Variants in RNF169 observed in about 807,000 individuals in gnomAD.
RNF169 encodes ring finger protein 169, also known as E3 ubiquitin-protein ligase RNF169.
A neutral mutation model predicts 53.9 loss-of-function variants in RNF169; 24 were observed. The observed-to-expected ratio is 0.45, with a 90% CI of 0.32 to 0.63. The LOEUF (loss-of-function observed/expected upper bound fraction) is 0.63, where lower values mean the gene tolerates loss of function less well. Ranked by LOEUF, RNF169 falls within the 20% of genes least tolerant of loss-of-function variation. The pLI is 0.04. For missense variants in RNF169, 883 were observed against 906.2 expected, an observed-to-expected ratio of 0.97 and a Z score of 0.33; for synonymous variants, 396 against 363.5, an observed-to-expected ratio of 1.09 and a Z score of -1.02.
chr11:74,791,942 C>T (rs1442867467), intron 2 of RNF169, among the ~76,000 whole-genome samples: 3 of 152,258 alleles, frequency 2.0e-5, no homozygotes, highest in Non-Finnish European at 4.4e-5. Context: ...GGCATCTTCA[C>T]AGTGCCCACT....
At chr11:74,799,518 G>A (rs1208471141) in intron 2 of RNF169, among the ~76,000 whole-genome samples, 2 of 152,102 alleles carry the variant, frequency 1.3e-5, no homozygotes, top group Non-Finnish European at 2.9e-5. Context: ...GCAGTGTGCT[G>A]TTTTTCCTCG....
intron 1 of RNF169, among the ~76,000 whole-genome samples, chr11:74,778,238 A>G (rs2035365224): frequency 6.6e-6 from 1 of 152,078 alleles, no homozygotes; most frequent in Admixed American, 6.5e-5. Context: ...CTTTCTTTTT[A>G]TATTTTCTCG....
chr11:74,801,440 A>G (rs1325664239), intron 2 of RNF169, among the ~76,000 whole-genome samples: 2 of 152,220 alleles, frequency 1.3e-5, no homozygotes, highest in East Asian at 3.8e-4. Context: ...ATTGCTCTAG[A>G]TACCAAAGTA....
intron 1 of RNF169, among the ~76,000 whole-genome samples, chr11:74,763,458 G>A: frequency 6.6e-6 from 1 of 152,126 alleles, no homozygotes; most frequent in Non-Finnish European, 1.5e-5. Flanking sequence ...AGTGGCTAAA[G>A]ACTTTAAAGA....
intron 4 of RNF169, among the ~76,000 whole-genome samples, chr11:74,824,360 C>T (rs190225289): frequency 6.6e-6 from 1 of 151,856 alleles, no homozygotes; most frequent in South Asian, 2.1e-4. Flanking sequence ...ATAAACAGAG[C>T]CTAAGAAATC....
chr11:74,789,579 TC>T (rs2035552397), intron 1 of RNF169, 46 bp from the exon 2 acceptor site: 13 of 1,272,722 alleles, frequency 1.0e-5, no homozygotes, highest in Non-Finnish European at 1.4e-5. Flanking sequence ...CTGTGGGTCT[TC>T]CTAGAAAGTC....
At position 74,836,266 on chromosome 11, in the gene RNF169, C is replaced by T. The variant is rs1469660932; in HGVS notation, c.1663C>T (p.Pro555Ser). ...REQFEGLGST[P>S]DAKLDKTCIS... is the part of the protein sequence containing the mutation. ...GCAGTTTGAGGGGTTAGGGTCAACT[C>T]CAGATGCCAAGTTAGACAAAACCTG... Residue 555 changes from proline (P) to serine (S), a missense_variant, in exon 6 of 6, where the codon CCA (proline) becomes TCA (serine). Pro to Ser is a moderately conservative substitution (Grantham distance 74). Transcript: ENST00000299563. The T allele has an allele frequency of 6.2e-7, 1 of 1,614,144 alleles. No individual in the cohort carries two copies. Among genetic ancestry groups the T allele is most frequent in the East Asian group, 2.2e-5 (1 of 44,880 alleles).
At position 74,806,911 on chromosome 11, in the gene RNF169, T is replaced by C. The variant is rs578262524; in HGVS notation, c.577-3273T>C. On this transcript the variant is annotated intron_variant, in intron 2 of 5. Coordinates refer to ENST00000299563, the MANE Select transcript of RNF169 (RefSeq NM_001098638.2). ...CACTAATTATTTGTATACTTTTCTGTGTGTATATTATGCTTTGATTTAAAA... is the reference window on the plus strand; with the variant it reads ...CACTAATTATTTGTATACTTTTCTGCGTGTATATTATGCTTTGATTTAAAA... Among the ~76,000 whole-genome samples the C allele has an allele frequency of 2.2e-4, 34 of 152,216 alleles. No individual in the cohort carries two copies. In the South Asian group the frequency reaches 4.6e-3, roughly 20 times the overall value.
Position 74,836,200 on chromosome 11 carries a change from G to C in RNF169, c.1597G>C (p.Glu533Gln). Reference protein sequence around the residue: ...EIPLETCCSSELKGGGSGTSL... With the variant: ...EIPLETCCSSQLKGGGSGTSL... ...CCCACTGGAAACCTGCTGTTCCTCA[G>C]AACTCAAAGGGGGAGGCAGTGGGAC... Residue 533 changes from glutamate to glutamine, a missense_variant, in exon 6 of 6, where the codon GAA (glutamate) becomes CAA (glutamine). Around this residue, in one of 3 missense-constraint regions of RNF169, gnomAD observed 351 missense variants for 337.3 expected, o/e 1.04. Transcript: ENST00000299563. The C allele has an allele frequency of 6.2e-7, 1 of 1,614,170 alleles. No individual in the cohort carries two copies. The highest frequency in any genetic ancestry group is 8.5e-7 in the Non-Finnish European group (1 of 1,180,040).
Position 74,839,280 on chromosome 11 carries a change from G to C in RNF169, c.*2550G>C, listed in dbSNP as rs2036306993. ...TCTAGGTTAAGGAGGGAGGAGGGTTGATCTTTAATCAGGTTGGCTTTGGAG... is the reference window on the plus strand; with the variant it reads ...TCTAGGTTAAGGAGGGAGGAGGGTTCATCTTTAATCAGGTTGGCTTTGGAG... On this transcript the variant is annotated 3_prime_UTR_variant, in exon 6 of 6. Coordinates refer to ENST00000299563, the MANE Select transcript of RNF169 (RefSeq NM_001098638.2). 6.6e-6 allele frequency: 1 copy of C among 152,170 alleles called. No homozygotes were observed. The highest frequency in any genetic ancestry group is 1.5e-5 in the Non-Finnish European group (1 of 68,042). 9.4% of individuals were successfully genotyped at this position (152,170 alleles called of 1,614,324 possible). A position where few individuals can be genotyped will look rare whatever the true frequency, so the allele number is the denominator to read the frequency against.
intron 4 of RNF169, among the ~76,000 whole-genome samples, chr11:74,822,606 A>G (rs76928584): frequency 0.021 from 3,177 of 152,332 alleles, 128 homozygotes; most frequent in African/African-American, 0.072. Flanking sequence ...CCTTAGAACT[A>G]TACTGTAGGT....
At chr11:74,803,499 T>C (rs1040643581) in intron 2 of RNF169, among the ~76,000 whole-genome samples, 1 of 152,246 alleles carries the variant, frequency 6.6e-6, no homozygotes. Context: ...ATATATGTTT[T>C]AGTCTACATT....
intron 2 of RNF169, among the ~76,000 whole-genome samples, chr11:74,804,118 T>C (rs775751682): frequency 9.2e-5 from 14 of 152,218 alleles, no homozygotes; most frequent in Non-Finnish European, 2.1e-4. Context: ...CTGGATACTC[T>C]GGTTTCCTCC....
At chr11:74,833,860 G>A (rs1274521951) in intron 4 of RNF169, among the ~76,000 whole-genome samples, 3 of 152,088 alleles carry the variant, frequency 2.0e-5, no homozygotes, top group Non-Finnish European at 2.9e-5. Flanking sequence ...TGGGACAACT[G>A]TTAATAGATA....
At chr11:74,805,160 A>G (rs1232223481) in intron 2 of RNF169, among the ~76,000 whole-genome samples, 1 of 152,216 alleles carries the variant, frequency 6.6e-6, no homozygotes, top group Non-Finnish European at 1.5e-5. Context: ...TGGATAAGCA[A>G]ATTGTGGTTT....
chr11:74,788,157 G>A (rs926147693), intron 1 of RNF169, among the ~76,000 whole-genome samples: 2 of 152,056 alleles, frequency 1.3e-5, no homozygotes, highest in Non-Finnish European at 2.9e-5. Context: ...TGGCATCCAG[G>A]ATCAAAGAGC....
chr11:74,750,050 AACAAAGGTTGGGTGGCAGGGGCTGCTTCT>A (rs2034861999), intron 1 of RNF169, among the ~76,000 whole-genome samples: 2 of 152,114 alleles, frequency 1.3e-5, no homozygotes, highest in Non-Finnish European at 2.9e-5. Flanking sequence ...AAGTTTTGGA[AACAAAGGTTGGGTGGCAGGGGCTGCTTCT>A]ATCTCCTTGG....
chr11:74,762,652 T>G (rs1335913263), intron 1 of RNF169, among the ~76,000 whole-genome samples: 1 of 151,266 alleles, frequency 6.6e-6, no homozygotes, highest in African/African-American at 2.4e-5. Context: ...AAATGCATCT[T>G]TGAATATACA....
chr11:74,836,712 C>T lies in RNF169; in HGVS notation c.2109C>T (p.Asn703=). ...SVDQYLLRSS[N]MAGAK is the part of the protein sequence containing the mutation. ...ATCAGTATCTCCTACGGTCCAGCAA[C>T]ATGGCCGGGGCCAAGTAGCACCTAA... Residue 703 remains asparagine, a synonymous_variant, in exon 6 of 6, where the codon AAC becomes AAT. Coordinates refer to ENST00000299563, the MANE Select transcript of RNF169 (RefSeq NM_001098638.2). The T allele has an allele frequency of 2.5e-6, 4 of 1,609,876 alleles. No individual in the cohort carries two copies. The highest frequency in any genetic ancestry group is 1.1e-5 in the South Asian group (1 of 90,960).
Sources: allele counts gnomAD v4.1 joint callset (sites outside exome capture counted in the v4.1 genomes callset), GRCh38; gene constraint gnomAD v4.1.1; regional missense constraint gnomAD v4.1.1; transcripts MANE v1.5; gene names NCBI Gene and HGNC (gene_info 2026-07-23, HGNC 2026-07-21).